The following HEATR5B variants were observed in gnomAD, a reference collection of about 807,000 sequenced individuals.
The protein encoded by HEATR5B is HEAT repeat containing 5B.
A neutral mutation model predicts 224.1 loss-of-function variants in HEATR5B; 156 were observed. The ratio of observed to expected loss-of-function variants is 0.70; its 90% CI spans 0.61 to 0.80. HEATR5B has a LOEUF of 0.80. HEATR5B is among the 30% of genes least tolerant of loss of function. The pLI is 0.00. For synonymous variants in HEATR5B, 1,027 were observed against 893.0 expected, an observed-to-expected ratio of 1.15 and a Z score of -2.68; for missense variants, 2,323 against 2,535.5, an observed-to-expected ratio of 0.92 and a Z score of 1.80.
At chr2:36,983,979 A>C (rs937251583) in intron 35 of HEATR5B, among the ~76,000 whole-genome samples, 1 of 150,658 alleles carries the variant, frequency 6.6e-6, no homozygotes, top group Non-Finnish European at 1.5e-5. Flanking sequence ...CGGGTGGATC[A>C]CCTGAGGCCA....
At chr2:37,009,816 T>A (rs542404130) in intron 27 of HEATR5B, among the ~76,000 whole-genome samples, 1 of 151,140 alleles carries the variant, frequency 6.6e-6, no homozygotes, top group South Asian at 2.1e-4. Flanking sequence ...GGTATAACTC[T>A]GTTTCTGCCT....
intron 27 of HEATR5B, among the ~76,000 whole-genome samples, chr2:37,012,691 A>G (rs1667860888): frequency 6.6e-6 from 1 of 152,156 alleles, no homozygotes; most frequent in South Asian, 2.1e-4. Context: ...CGCCTGGCCT[A>G]GGGCGCAGTT....
At position 36,981,529 on chromosome 2, in the gene HEATR5B, A is replaced by G; in HGVS notation, c.6177T>C (p.His2059=). 2 of 1,613,690 alleles carry G rather than the reference A, an allele frequency of 1.2e-6. No individual in the cohort carries two copies. The highest frequency in any genetic ancestry group is 2.2e-5 in the South Asian group (2 of 90,944). Residue 2059 remains histidine (H), a synonymous_variant, in exon 36 of 36, where the codon CAT becomes CAC. Transcript: ENST00000233099. The part of the protein sequence containing the change: ...AAARQPAPAI[H]SAPTIKLKTS... ...TTTTTAGCTTAATTGTTGGTGCAGA[A>G]TGTATGGCGGGGGCTGGTTGTCTGG...
Position 37,021,723 on chromosome 2 carries a change from CA to C in HEATR5B, c.3854-888del, listed in dbSNP as rs1668469766. ...GGAAACATGGTGAACCCCATCTCTA[CA>C]AAACATACAAAAATTAGCTGGGCAT... is the stretch of plus-strand genomic sequence containing the variant. On this transcript the variant is annotated intron_variant, in intron 24 of 35. Transcript: ENST00000233099. 1.3e-5 allele frequency among the ~76,000 whole-genome samples: 2 copies of C among 151,934 alleles called. 1 individual carries two copies. The highest frequency in any genetic ancestry group is 4.2e-4 in the South Asian group (2 of 4,804).
chr2:36,982,863 T>TACACACACACAC (rs3836070), intron 35 of HEATR5B, among the ~76,000 whole-genome samples: 5,091 of 126,018 alleles, frequency 0.04, 258 homozygotes, highest in East Asian at 0.063. Context: ...CAGACACAGA[T>TACACACACACAC]ACACACACAC....
chr2:37,058,798 A>G (rs1671071522), intron 13 of HEATR5B, 90 bp downstream of exon 13: 1 of 811,786 alleles, frequency 1.2e-6, no homozygotes, highest in Non-Finnish European at 2.0e-6. Flanking sequence ...TGTTTCCTAG[A>G]TGATTCTAGA....
intron 34 of HEATR5B, 114 bp downstream of exon 34, chr2:36,990,534 C>T: frequency 1.1e-6 from 1 of 922,316 alleles, no homozygotes; most frequent in Non-Finnish European, 1.6e-6. Context: ...ATTTAAAAGC[C>T]ATAGTGCAAA....
Position 37,015,851 on chromosome 2 carries a change from T to C in HEATR5B, c.4105-1831A>G, listed in dbSNP as rs189473426. Among the ~76,000 whole-genome samples, 74 of 152,236 alleles carry C rather than the reference T, an allele frequency of 4.9e-4. 2 individuals carry two copies. The East Asian group carries it at 0.012, about 25-fold the overall frequency. On this transcript the variant is annotated intron_variant, in intron 26 of 35. Transcript: ENST00000233099. The stretch of plus-strand genomic sequence containing the variant: ...CCTAGGAATTCCCACACAAAGGTGA[T>C]AACTAAAGTATTGTTAAATTTTTTT...
chr2:37,026,715 C>G (rs1165226700), intron 24 of HEATR5B, among the ~76,000 whole-genome samples: 1 of 152,152 alleles, frequency 6.6e-6, no homozygotes, highest in African/African-American at 2.4e-5. Context: ...ATTACATGAA[C>G]AAAAACACTA....
intron 35 of HEATR5B, among the ~76,000 whole-genome samples, chr2:36,988,314 G>A (rs1308816689): frequency 4.0e-5 from 6 of 151,828 alleles, no homozygotes; most frequent in Admixed American, 6.6e-5. Context: ...CCAGGCTGGA[G>A]TGCGCTGGCA....
At chr2:37,029,149 A>G (rs1668962020) in intron 22 of HEATR5B, among the ~76,000 whole-genome samples, 1 of 152,240 alleles carries the variant, frequency 6.6e-6, no homozygotes, top group African/African-American at 2.4e-5. Flanking sequence ...GAGATATTGT[A>G]AACAAATCTC....
chr2:36,988,119 T>C (rs1666069069), intron 35 of HEATR5B, among the ~76,000 whole-genome samples: 1 of 151,992 alleles, frequency 6.6e-6, no homozygotes, highest in South Asian at 2.1e-4. Context: ...TTCCTAGATC[T>C]TAAGGGATGC....
At chr2:37,028,376 T>G (rs1005379512) in intron 23 of HEATR5B, among the ~76,000 whole-genome samples, 3 of 152,130 alleles carry the variant, frequency 2.0e-5, no homozygotes, top group Non-Finnish European at 2.9e-5. Context: ...TAAACTACAT[T>G]TAAATATTTC....
rs200291140 is a variant in HEATR5B, at chr2:37,002,291, T to G, written c.5317+15A>C. On this transcript the variant is annotated intron_variant, in intron 32 of 35. Transcript: ENST00000233099. ...TGTAATATAATGCATTTCCAAATAC[T>G]GATCAATACCGTACCAGCGGGTGAA... 6.2e-7 allele frequency: 1 copy of G among 1,613,958 alleles called. No individual in the cohort carries two copies. The highest frequency in any genetic ancestry group is 8.5e-7 in the Non-Finnish European group (1 of 1,179,800).
intron 1 of HEATR5B, 22 bp downstream of exon 1, chr2:37,084,247 A>G: frequency 2.6e-6 from 1 of 384,506 alleles, no homozygotes; most frequent in Non-Finnish European, 4.6e-6. Context: ...GCGTGTCAAC[A>G]TGCATGCTTC....
intron 18 of HEATR5B, among the ~76,000 whole-genome samples, chr2:37,043,447 G>T (rs1189446755): frequency 6.6e-6 from 1 of 152,214 alleles, no homozygotes; most frequent in Non-Finnish European, 1.5e-5. Context: ...AGTATTTTGA[G>T]AAAGTTAGCC....
chr2:37,062,366 G>A (rs530341687), intron 10 of HEATR5B, among the ~76,000 whole-genome samples: 7 of 152,122 alleles, frequency 4.6e-5, no homozygotes, highest in Non-Finnish European at 1.0e-4. Flanking sequence ...GGAGGCGGAG[G>A]TTGCAGTGAG....
chr2:37,083,214 ATG>A, intron 2 of HEATR5B, 73 bp downstream of exon 2: 1 of 1,530,364 alleles, frequency 6.5e-7, no homozygotes, highest in Non-Finnish European at 9.0e-7. Context: ...AAAACATAAC[ATG>A]TGTTTTCTTA....
intron 24 of HEATR5B, among the ~76,000 whole-genome samples, chr2:37,026,509 G>C (rs998619905): frequency 3.3e-5 from 5 of 152,134 alleles, no homozygotes; most frequent in Non-Finnish European, 7.4e-5. Context: ...TATAGGAAAT[G>C]AATACCATGT....
Sources: gnomAD v4.1 joint callset for allele counts (sites outside exome capture counted in the v4.1 genomes callset) on GRCh38, gnomAD v4.1.1 for gene constraint, MANE v1.5 for transcripts, NCBI Gene and HGNC (gene_info 2026-07-23, HGNC 2026-07-21) for gene names.